Variants in LRP1B observed in about 807,000 individuals in gnomAD.
The protein encoded by LRP1B is low-density lipoprotein receptor-related protein 1B.
LRP1B carries 217 observed loss-of-function variants against 556.6 expected under a neutral mutation model. That is an observed-to-expected ratio of 0.39 (90% CI 0.35 to 0.44). LRP1B has a LOEUF of 0.44. Ranked by LOEUF, LRP1B falls within the 20% of genes least tolerant of loss-of-function variation. The probability of loss-of-function intolerance (pLI) is 1.00; values close to 1 mark genes in which losing one functional copy is unlikely to be tolerated. For synonymous variants in LRP1B, 2,047 were observed against 1,865.8 expected (o/e 1.10, Z -2.50); for missense variants, 5,053 against 5,620.8 (o/e 0.90, Z 3.23).
intron 1 of LRP1B, among the ~76,000 whole-genome samples, chr2:142,033,628 A>G (rs1703778956): frequency 6.6e-6 from 1 of 151,682 alleles, no homozygotes; most frequent in Admixed American, 6.6e-5. Context: ...GACTGGTCAT[A>G]GTTGTTTCAT....
chr2:140,960,256 A>G (rs912448277), intron 18 of LRP1B, among the ~76,000 whole-genome samples: 1 of 151,832 alleles, frequency 6.6e-6, no homozygotes, highest in Non-Finnish European at 1.5e-5. Flanking sequence ...CTTAACTTTG[A>G]TAATACCCAA....
At chr2:141,106,532 GAAGTA>G (rs1302717618) in intron 7 of LRP1B, among the ~76,000 whole-genome samples, 1 of 147,080 alleles carries the variant, frequency 6.8e-6, no homozygotes, top group East Asian at 1.9e-4. Flanking sequence ...GAAGAATTCA[GAAGTA>G]AATAGACATG....
At chr2:140,537,694 A>T (rs10188125) in intron 45 of LRP1B, among the ~76,000 whole-genome samples, 70,880 of 151,828 alleles carry the variant, frequency 0.47, 17,004 homozygotes, top group East Asian at 0.61. Flanking sequence ...TCAGAAAGTC[A>T]CATTTCTAAA....
chr2:140,664,535 T>C (rs1685202985), intron 41 of LRP1B, among the ~76,000 whole-genome samples: 1 of 152,162 alleles, frequency 6.6e-6, no homozygotes, highest in Admixed American at 6.5e-5. Context: ...TAGGAAAGCA[T>C]CTTTTATAAA....
intron 3 of LRP1B, among the ~76,000 whole-genome samples, chr2:141,446,784 CTT>C (rs960054589): frequency 6.6e-6 from 1 of 152,052 alleles, no homozygotes; most frequent in African/African-American, 2.4e-5. Context: ...GAGACCCACT[CTT>C]AGTCTGATGG....
At chr2:140,680,781 G>T (rs1685833887) in intron 41 of LRP1B, among the ~76,000 whole-genome samples, 1 of 152,066 alleles carries the variant, frequency 6.6e-6, no homozygotes, top group Admixed American at 6.6e-5. Context: ...ATGTGACCCA[G>T]GTCTCATCAC....
At chr2:141,893,293 C>T (rs574026785) in intron 1 of LRP1B, among the ~76,000 whole-genome samples, 5 of 152,228 alleles carry the variant, frequency 3.3e-5, no homozygotes, top group African/African-American at 9.6e-5. Context: ...CTCCACCTCC[C>T]GGATTCAGGT....
rs374038742 is a variant in LRP1B at position 140,620,013 on chromosome 2, A to G, written c.6800-18374T>C. Reference sequence around the variant, plus strand: ...TCAAAGTTTAATGCAATCAGAATACATATTTTTCTTTCTCTTTTGTCTTTT... The same window carrying G: ...TCAAAGTTTAATGCAATCAGAATACGTATTTTTCTTTCTCTTTTGTCTTTT... On this transcript the variant is annotated intron_variant, in intron 41 of 90. Coordinates refer to ENST00000389484, the MANE Select transcript of LRP1B (RefSeq NM_018557.3). Among the ~76,000 whole-genome samples, 12 of 152,160 alleles carry G rather than the reference A, an allele frequency of 7.9e-5. No individual in the cohort carries two copies. In the East Asian group the frequency reaches 9.6e-4, roughly 12 times the overall value.
At chr2:141,565,269 T>C (rs545599718) in intron 2 of LRP1B, among the ~76,000 whole-genome samples, 22 of 152,270 alleles carry the variant, frequency 1.4e-4, no homozygotes, top group Admixed American at 1.3e-3. Flanking sequence ...GTTGCTTATA[T>C]CTACAGTGTG....
chr2:140,315,201 C>T, intron 82 of LRP1B, 102 bp from the exon 83 acceptor site: 4 of 747,492 alleles, frequency 5.4e-6, no homozygotes, highest in Non-Finnish European at 8.0e-6. Flanking sequence ...TCTTGTGTTT[C>T]CATAAAATAA....
rs368670551 is a variant in LRP1B at position 141,184,549 on chromosome 2, C to G, written c.1013+3872G>C. On this transcript the variant is annotated intron_variant, in intron 7 of 90. Coordinates refer to ENST00000389484, the MANE Select transcript of LRP1B (RefSeq NM_018557.3). Reference sequence around the variant, plus strand: ...CCCAGTTGATTATCATTAGATTATACCCCTTTTTTTCAATCGTGCTTCTCC... The same window carrying G: ...CCCAGTTGATTATCATTAGATTATAGCCCTTTTTTTCAATCGTGCTTCTCC... Among the ~76,000 whole-genome samples the G allele has an allele frequency of 3.3e-5, 5 of 151,762 alleles. No individual in the cohort carries two copies. The East Asian group carries it at 7.8e-4, about 24-fold the overall frequency.
chr2:142,124,895 T>G (rs1023837242), intron 1 of LRP1B, among the ~76,000 whole-genome samples: 4 of 151,838 alleles, frequency 2.6e-5, no homozygotes, highest in African/African-American at 7.2e-5. Flanking sequence ...TCTTACTTTT[T>G]TTTTTTACAG....
At chr2:141,148,996 G>A (rs886562177) in intron 7 of LRP1B, among the ~76,000 whole-genome samples, 6 of 152,088 alleles carry the variant, frequency 3.9e-5, no homozygotes, top group African/African-American at 1.2e-4. Flanking sequence ...GGCTGAGGCA[G>A]GAAGATCACT....
At chr2:140,849,840 G>A (rs570718128) in intron 29 of LRP1B, among the ~76,000 whole-genome samples, 2 of 152,060 alleles carry the variant, frequency 1.3e-5, no homozygotes, top group East Asian at 1.9e-4. Context: ...GTGCCCAGCC[G>A]AGAAATCTAA....
At chr2:140,588,170 G>A (rs547232090) in intron 43 of LRP1B, among the ~76,000 whole-genome samples, 52 of 152,232 alleles carry the variant, frequency 3.4e-4, no homozygotes, top group African/African-American at 1.2e-3. Context: ...GCAAAAATAC[G>A]GGTACATAAA....
At chr2:140,415,374 T>C (rs1335887564) in intron 66 of LRP1B, among the ~76,000 whole-genome samples, 2 of 152,210 alleles carry the variant, frequency 1.3e-5, no homozygotes, top group Non-Finnish European at 2.9e-5. Context: ...CTTTGAAGCA[T>C]GTGATCTTTG....
At chr2:141,294,705 A>G (rs1479302726) in intron 3 of LRP1B, among the ~76,000 whole-genome samples, 1 of 150,686 alleles carries the variant, frequency 6.6e-6, no homozygotes, top group Non-Finnish European at 1.5e-5. Context: ...ACACCACTGC[A>G]TGCCAGCCTG....
chr2:140,272,848 A>G (rs1682522777), intron 85 of LRP1B, among the ~76,000 whole-genome samples: 1 of 151,976 alleles, frequency 6.6e-6, no homozygotes, highest in African/African-American at 2.4e-5. Context: ...AAGTTCCACT[A>G]TCTCCTCATT....
At chr2:141,605,027 G>A (rs914963500) in intron 2 of LRP1B, among the ~76,000 whole-genome samples, 5 of 151,994 alleles carry the variant, frequency 3.3e-5, no homozygotes, top group South Asian at 2.1e-4. Context: ...AGTCTCTTGC[G>A]GCACGTAAGG....
Sources: allele counts gnomAD v4.1 joint callset (sites outside exome capture counted in the v4.1 genomes callset), GRCh38; gene constraint gnomAD v4.1.1; transcripts MANE v1.5; gene names NCBI Gene and HGNC (gene_info 2026-07-23, HGNC 2026-07-21).